GRM7: variants seen among roughly 807,000 people sequenced by gnomAD.
The protein encoded by GRM7 is metabotropic glutamate receptor 7.
A neutral mutation model predicts 84.5 loss-of-function variants in GRM7; 35 were observed. That is an observed-to-expected ratio of 0.41 (90% CI 0.32 to 0.55). GRM7 has a LOEUF of 0.55. GRM7 is among the 20% of genes least tolerant of loss of function. GRM7 has a pLI of 0.19. For synonymous variants in GRM7, 487 were observed against 455.1 expected (o/e 1.07, Z -0.89); for missense variants, 1,003 against 1,194.6 (o/e 0.84, Z 2.36).
At chr3:7,178,405 G>T (rs1243557670) in intron 2 of GRM7, among the ~76,000 whole-genome samples, 1 of 150,340 alleles carries the variant, frequency 6.7e-6, no homozygotes, top group African/African-American at 2.5e-5. Flanking sequence ...TATTATAAAT[G>T]ACCCAATGAG....
intron 4 of GRM7, among the ~76,000 whole-genome samples, chr3:7,392,579 C>T (rs2125144582): frequency 6.6e-6 from 1 of 152,290 alleles, no homozygotes; most frequent in Middle Eastern, 3.4e-3. Flanking sequence ...GGGCAAGGCA[C>T]TGTGGCAAGT....
At chr3:7,170,495 G>C (rs1694949048) in intron 2 of GRM7, among the ~76,000 whole-genome samples, 1 of 152,064 alleles carries the variant, frequency 6.6e-6, no homozygotes, top group Non-Finnish European at 1.5e-5. Context: ...CCCACTCTTG[G>C]GTTTGATCTG....
intron 7 of GRM7, among the ~76,000 whole-genome samples, chr3:7,512,298 CT>C (rs959515163): frequency 2.0e-5 from 3 of 152,088 alleles, no homozygotes; most frequent in African/African-American, 7.2e-5. Flanking sequence ...GATTTCCAAG[CT>C]TGAAAAAAGA....
chr3:7,266,061 C>A (rs1266651212), intron 2 of GRM7, among the ~76,000 whole-genome samples: 1 of 151,916 alleles, frequency 6.6e-6, no homozygotes, highest in Non-Finnish European at 1.5e-5. Context: ...ATCTCTACAA[C>A]AATGAAGTAG....
chr3:7,283,085 A>G (rs570720747), intron 2 of GRM7, among the ~76,000 whole-genome samples: 24 of 152,188 alleles, frequency 1.6e-4, no homozygotes, highest in Non-Finnish European at 3.5e-4. Flanking sequence ...ACTGCTTGCT[A>G]GTGACATGAC....
intron 2 of GRM7, among the ~76,000 whole-genome samples, chr3:7,246,015 C>G (rs898593047): frequency 6.6e-6 from 1 of 151,968 alleles, no homozygotes; most frequent in Admixed American, 6.6e-5. Context: ...ATGTAAATAA[C>G]TGAAGAGATA....
At chr3:7,023,922 G>A (rs1248694955) in intron 1 of GRM7, among the ~76,000 whole-genome samples, 1 of 152,148 alleles carries the variant, frequency 6.6e-6, no homozygotes, top group African/African-American at 2.4e-5. Context: ...GCTCTTCAGG[G>A]CAGAGAATGC....
At chr3:6,985,931 A>C (rs1474877853) in intron 1 of GRM7, among the ~76,000 whole-genome samples, 3 of 152,198 alleles carry the variant, frequency 2.0e-5, no homozygotes, top group African/African-American at 7.2e-5. Context: ...AAAAATTCCC[A>C]CTAATATTTT....
At chr3:7,077,568 G>GT (rs1698134073) in intron 1 of GRM7, among the ~76,000 whole-genome samples, 1 of 145,238 alleles carries the variant, frequency 6.9e-6, no homozygotes, top group Admixed American at 7.0e-5. Flanking sequence ...ACTGGGGCCT[G>GT]TCGGGGGGTG....
chr3:7,624,416 C>G (rs1227498768), intron 8 of GRM7, among the ~76,000 whole-genome samples: 1 of 152,136 alleles, frequency 6.6e-6, no homozygotes. Flanking sequence ...CTACAGGTCA[C>G]TTACATTTGA....
chr3:7,635,078 G>A (rs1396473974), intron 8 of GRM7, among the ~76,000 whole-genome samples: 1 of 152,166 alleles, frequency 6.6e-6, no homozygotes, highest in African/African-American at 2.4e-5. Flanking sequence ...TATGGGTATT[G>A]AGCACTTGAA....
chr3:7,529,633 C>G (rs1369287577), intron 7 of GRM7, among the ~76,000 whole-genome samples: 1 of 152,096 alleles, frequency 6.6e-6, no homozygotes, highest in Non-Finnish European at 1.5e-5. Flanking sequence ...TAGCCCGTTG[C>G]CTGTATGATT....
In GRM7 at chr3:7,594,068, G is replaced by C. The variant is rs142712024; in HGVS notation, c.2451+14711G>C. On this transcript the variant is annotated intron_variant, in intron 8 of 9. Coordinates refer to ENST00000357716, the MANE Select transcript of GRM7 (RefSeq NM_000844.4). Reference sequence around the variant, plus strand: ...AGGGTCTACAACTTCCAGGAAGTAAGAAAATCTTACAGGTGGTGTCCTAAG... The same window carrying C: ...AGGGTCTACAACTTCCAGGAAGTAACAAAATCTTACAGGTGGTGTCCTAAG... 2.0e-5 allele frequency among the ~76,000 whole-genome samples: 3 copies of C among 152,254 alleles called. No homozygotes were observed. The East Asian group carries it at 5.8e-4, about 29-fold the overall frequency.
In GRM7 at chr3:7,256,804, T is replaced by C. The variant is rs9816846; in HGVS notation, c.737-41880T>C. Among the ~76,000 whole-genome samples, 1,461 of 152,274 alleles carry C rather than the reference T, an allele frequency of 9.6e-3. 23 individuals carry two copies. The highest frequency in any genetic ancestry group is 0.033 in the African/African-American group (1,361 of 41,544). Reference sequence around the variant, plus strand: ...TTATCATCTAGTGGGGAAACAGAGATAGTTTAATAAAGAAGCTGCAATTTA... The same window carrying C: ...TTATCATCTAGTGGGGAAACAGAGACAGTTTAATAAAGAAGCTGCAATTTA... On this transcript the variant is annotated intron_variant, in intron 2 of 9. Transcript: ENST00000357716.
chr3:6,948,551 T>A (rs1157717327), intron 1 of GRM7, among the ~76,000 whole-genome samples: 1 of 152,156 alleles, frequency 6.6e-6, no homozygotes, highest in Non-Finnish European at 1.5e-5. Flanking sequence ...GGTGGAGAGT[T>A]CTGTAGATGT....
intron 9 of GRM7, among the ~76,000 whole-genome samples, chr3:7,708,552 A>G (rs1399475505): frequency 6.6e-6 from 1 of 152,186 alleles, no homozygotes; most frequent in African/African-American, 2.4e-5. Context: ...CATAAAGTAT[A>G]AGGTGCATTT....
chr3:7,697,839 T>C (rs969903118), intron 9 of GRM7, among the ~76,000 whole-genome samples: 1 of 152,186 alleles, frequency 6.6e-6, no homozygotes, highest in African/African-American at 2.4e-5. Context: ...CACTCAGCTT[T>C]TGGCTTTCAG....
chr3:7,400,714 T>G (rs540200794), intron 4 of GRM7, among the ~76,000 whole-genome samples: 79 of 152,308 alleles, frequency 5.2e-4, no homozygotes, highest in African/African-American at 1.9e-3. Context: ...ATCCTGTAAC[T>G]TTCATAGGCT....
At chr3:6,865,731 T>C (rs1694916725) in intron 1 of GRM7, among the ~76,000 whole-genome samples, 1 of 152,208 alleles carries the variant, frequency 6.6e-6, no homozygotes, top group African/African-American at 2.4e-5. Context: ...TTTGGGATAA[T>C]ATTTTATACA....
Sources: allele counts gnomAD v4.1 joint callset (sites outside exome capture counted in the v4.1 genomes callset), GRCh38; gene constraint gnomAD v4.1.1; transcripts MANE v1.5; gene names NCBI Gene and HGNC (gene_info 2026-07-23, HGNC 2026-07-21).